PSD3: variants seen among roughly 807,000 people sequenced by gnomAD.
PSD3 encodes pleckstrin and Sec7 domain containing 3.
Under a neutral mutation model 105.5 loss-of-function variants are expected in PSD3, and 49 were observed. The observed-to-expected ratio is 0.46, with a 90% CI of 0.37 to 0.59. The LOEUF (loss-of-function observed/expected upper bound fraction) is 0.59, where lower values mean the gene tolerates loss of function less well. Among genes scored for constraint, PSD3 ranks in the 20% least tolerant of loss-of-function variants. PSD3 has a pLI of 0.00. For synonymous variants in PSD3, 557 were observed against 457.8 expected, an observed-to-expected ratio of 1.22 and a Z score of -2.77; for missense variants, 1,561 against 1,263.8, an observed-to-expected ratio of 1.24 and a Z score of -3.57.
chr8:19,024,973 A>C (rs1286758267), intron 1 of PSD3, among the ~76,000 whole-genome samples: 1 of 152,154 alleles, frequency 6.6e-6, no homozygotes. Context: ...ATCAATCCTG[A>C]GAAAGGGGTC....
intron 9 of PSD3, among the ~76,000 whole-genome samples, chr8:18,687,059 C>T (rs955347873): frequency 6.6e-6 from 1 of 152,202 alleles, no homozygotes. Flanking sequence ...GAGGCCAAAA[C>T]AGAACCTGGT....
At chr8:18,642,724 T>A (rs941097941) in intron 10 of PSD3, among the ~76,000 whole-genome samples, 1 of 152,212 alleles carries the variant, frequency 6.6e-6, no homozygotes, top group East Asian at 1.9e-4. Flanking sequence ...ATAACTTTCA[T>A]CATATTTAGA....
intron 1 of PSD3, among the ~76,000 whole-genome samples, chr8:18,945,206 A>G (rs7009518): frequency 0.65 from 99,448 of 152,134 alleles, 32,738 homozygotes; most frequent in Non-Finnish European, 0.67. Context: ...AGCCTTTGAA[A>G]ATGTGATTAA....
chr8:18,890,044 A>C (rs897532936), intron 2 of PSD3, among the ~76,000 whole-genome samples: 2 of 152,228 alleles, frequency 1.3e-5, no homozygotes, highest in East Asian at 3.8e-4. Context: ...GATTTTTAGA[A>C]ATACAACTTT....
chr8:18,563,535 C>A (rs1402297038), intron 14 of PSD3, among the ~76,000 whole-genome samples: 1 of 152,110 alleles, frequency 6.6e-6, no homozygotes, highest in African/African-American at 2.4e-5. Context: ...GAACACCTGT[C>A]TTTGAGTCAG....
At chr8:18,846,767 G>A (rs998243065) in intron 4 of PSD3, among the ~76,000 whole-genome samples, 7 of 152,158 alleles carry the variant, frequency 4.6e-5, no homozygotes, top group Non-Finnish European at 2.9e-5. Flanking sequence ...GCCCTCACTT[G>A]CCACATCTCT....
At chr8:18,771,791 G>C (rs935255511) in intron 8 of PSD3, among the ~76,000 whole-genome samples, 1 of 152,162 alleles carries the variant, frequency 6.6e-6, no homozygotes, top group Non-Finnish European at 1.5e-5. Flanking sequence ...GTTCAGTACT[G>C]TTTCACATTA....
chr8:18,937,783 G>C (rs1310116868), intron 1 of PSD3, among the ~76,000 whole-genome samples: 1 of 152,158 alleles, frequency 6.6e-6, no homozygotes, highest in African/African-American at 2.4e-5. Context: ...AGAGGAACTC[G>C]GCCAAGGGGC....
chr8:18,799,368 A>C lies in PSD3; in HGVS notation c.2024-15T>G, dbSNP rs1183288341. 2 of 1,566,622 alleles carry C rather than the reference A, an allele frequency of 1.3e-6. No homozygotes were observed. Among genetic ancestry groups the C allele is most frequent in the Admixed American group, 3.5e-5 (2 of 57,950 alleles). On this transcript the variant is annotated splice_polypyrimidine_tract_variant and intron_variant, in intron 7 of 15. Coordinates refer to ENST00000327040, the MANE Select transcript of PSD3 (RefSeq NM_015310.4). ...ATGGACTCCATCTAAAGAAAGATAC[A>C]AGAAAAAAAAGCATGAATTCGCTTT...
chr8:18,882,552 TA>T (rs1231023838), intron 2 of PSD3, among the ~76,000 whole-genome samples: 1 of 152,210 alleles, frequency 6.6e-6, no homozygotes, highest in East Asian at 1.9e-4. Context: ...CAGGCAGTGG[TA>T]AATTTCAGTG....
intron 10 of PSD3, among the ~76,000 whole-genome samples, chr8:18,642,987 T>A (rs1048986379): frequency 6.6e-6 from 1 of 152,208 alleles, no homozygotes; most frequent in African/African-American, 2.4e-5. Context: ...TTTAGGTTCT[T>A]GATAAAATTA....
rs1035875813 is a variant in PSD3, at chr8:18,878,332, G to C, written c.131-5599C>G. On this transcript the variant is annotated intron_variant, in intron 2 of 15. Transcript: ENST00000327040. ...TGGAGCATATAATAACATATTTGTAGATTCCTCAGGATTCTACATACCAGA... is the reference window on the plus strand; with the variant it reads ...TGGAGCATATAATAACATATTTGTACATTCCTCAGGATTCTACATACCAGA... Among the ~76,000 whole-genome samples the C allele has an allele frequency of 2.6e-5, 4 of 152,072 alleles. No homozygotes were observed. The East Asian group carries it at 7.7e-4, about 29-fold the overall frequency.
chr8:19,065,155 C>G (rs1829035247), intron 1 of PSD3, among the ~76,000 whole-genome samples: 1 of 152,124 alleles, frequency 6.6e-6, no homozygotes, highest in Admixed American at 6.5e-5. Context: ...GCTTTTTGTT[C>G]CTTGTGTCTG....
At chr8:18,859,537 A>G (rs1290746936) in intron 4 of PSD3, among the ~76,000 whole-genome samples, 5 of 152,254 alleles carry the variant, frequency 3.3e-5, no homozygotes, top group African/African-American at 1.2e-4. Flanking sequence ...TCTTTTTCCA[A>G]TAGATGGCTA....
At chr8:18,771,185 G>A (rs1009919674) in intron 8 of PSD3, among the ~76,000 whole-genome samples, 1 of 152,144 alleles carries the variant, frequency 6.6e-6, no homozygotes, top group African/African-American at 2.4e-5. Context: ...CAGGCCATGG[G>A]TGGTTTTGGA....
intron 9 of PSD3, among the ~76,000 whole-genome samples, chr8:18,727,254 T>C (rs553003740): frequency 1.4e-5 from 2 of 147,392 alleles, no homozygotes; most frequent in Admixed American, 6.9e-5. Context: ...GGAGAATCGA[T>C]TGAACCTGGG....
chr8:18,788,337 A>G (rs1293521210), intron 8 of PSD3, among the ~76,000 whole-genome samples: 1 of 152,248 alleles, frequency 6.6e-6, no homozygotes, highest in African/African-American at 2.4e-5. Flanking sequence ...AATTTCATTC[A>G]TATCAGGAGC....
intron 4 of PSD3, among the ~76,000 whole-genome samples, chr8:18,843,615 C>G (rs929486077): frequency 6.6e-6 from 1 of 152,126 alleles, no homozygotes; most frequent in Non-Finnish European, 1.5e-5. Context: ...ACCCCTGACC[C>G]AAGGGCATCA....
intron 1 of PSD3, among the ~76,000 whole-genome samples, chr8:18,969,275 T>C (rs1051183242): frequency 3.3e-5 from 5 of 152,230 alleles, no homozygotes; most frequent in Non-Finnish European, 7.3e-5. Context: ...CAAATATTCG[T>C]TGACAAAGTG....
Sources: allele counts gnomAD v4.1 joint callset (sites outside exome capture counted in the v4.1 genomes callset), GRCh38; gene constraint gnomAD v4.1.1; transcripts MANE v1.5; gene names NCBI Gene and HGNC (gene_info 2026-07-23, HGNC 2026-07-21).